The following BYSL variants were observed in gnomAD, a reference collection of about 807,000 sequenced individuals.
BYSL encodes the protein bystin like, also known as bystin.
In BYSL, 21 loss-of-function variants were observed where a neutral mutation model predicts 45.4. The ratio of observed to expected loss-of-function variants is 0.46; its 90% confidence interval spans 0.33 to 0.67. The LOEUF (loss-of-function observed/expected upper bound fraction) is 0.67, where lower values mean the gene tolerates loss of function less well. Among genes scored for constraint, BYSL ranks in the 30% least tolerant of loss-of-function variants. The probability of loss-of-function intolerance (pLI) is 0.02; values close to 1 mark genes in which losing one functional copy is unlikely to be tolerated. For missense variants in BYSL, 522 were observed against 578.5 expected, an observed-to-expected ratio of 0.90 and a Z score of 1.00; for synonymous variants, 215 against 231.3, an observed-to-expected ratio of 0.93 and a Z score of 0.64.
At chr6:41,919,561 A>G (rs1347319129), upstream of BYSL, among the ~76,000 whole-genome samples, 16 of 152,218 alleles carry the variant, frequency 1.1e-4, no homozygotes, top group Admixed American at 1.0e-3. Flanking sequence ...CAAGTGACAG[A>G]AGTCCTAGGA....
chr6:41,914,308 C>T, the BYSL span, among the ~76,000 whole-genome samples: 1 of 152,214 alleles, frequency 6.6e-6, no homozygotes. Context: ...ACACTGTGGG[C>T]TTCCTTTCTC....
At chr6:41,918,358 G>A (rs189737397), upstream of BYSL, among the ~76,000 whole-genome samples, 116 of 152,016 alleles carry the variant, frequency 7.6e-4, no homozygotes, top group African/African-American at 2.7e-3. Flanking sequence ...ACAAAACTTA[G>A]CCAGGCATGG....
chr6:41,930,341 T>C, intron 3 of BYSL, 71 bp downstream of exon 3: 2 of 1,556,996 alleles, frequency 1.3e-6, no homozygotes, highest in South Asian at 2.4e-5. Context: ...CAGGCTTTTT[T>C]GCCTTTTGCC....
At chr6:41,929,439 A>G (rs1775606474) in intron 2 of BYSL, among the ~76,000 whole-genome samples, 1 of 152,224 alleles carries the variant, frequency 6.6e-6, no homozygotes, top group Non-Finnish European at 1.5e-5. Context: ...TAGAGGCTGC[A>G]GTGAGCCATG....
the BYSL span, chr6:41,909,646 T>C: frequency 5.7e-6 from 8 of 1,412,736 alleles, no homozygotes; most frequent in African/African-American, 1.4e-5. Context: ...CAGTTCTTGG[T>C]TGGGGGTGAG....
chr6:41,912,823 A>G, the BYSL span, among the ~76,000 whole-genome samples: 3 of 152,078 alleles, frequency 2.0e-5, no homozygotes, highest in Non-Finnish European at 4.4e-5. Flanking sequence ...TTAGAAATGC[A>G]AATTACAGCC....
Position 41,931,483 on chromosome 6 carries a change from A to G in BYSL, c.792A>G (p.Glu264=). 6.2e-7 allele frequency: 1 copy of G among 1,614,210 alleles called. No individual in the cohort carries two copies. Among genetic ancestry groups the G allele is most frequent in the Non-Finnish European group, 8.5e-7 (1 of 1,180,038 alleles). Residue 264 remains glutamate, a synonymous_variant, in exon 5 of 7, where the codon GAA becomes GAG. Coordinates refer to ENST00000230340, the MANE Select transcript of BYSL (RefSeq NM_004053.4). ...LLPRVRDDVA[E]YKRLNFHLYM... Reference sequence around the variant, plus strand: ...CTCGAGTACGAGATGACGTTGCTGAATACAAACGACTCAACTTCCATCTCT... The same window carrying G: ...CTCGAGTACGAGATGACGTTGCTGAGTACAAACGACTCAACTTCCATCTCT...
the BYSL span, among the ~76,000 whole-genome samples, chr6:41,912,329 A>C: frequency 7.2e-6 from 1 of 138,402 alleles, no homozygotes; most frequent in African/African-American, 2.8e-5. Flanking sequence ...GGTATGAGCC[A>C]CTGCACTCAG....
At position 41,932,484 on chromosome 6, in the gene BYSL, C is replaced by T. The variant is rs923375015; in HGVS notation, c.1092C>T (p.Phe364=). 2 of 1,614,080 alleles carry T rather than the reference C, an allele frequency of 1.2e-6. No homozygotes were observed. Among genetic ancestry groups the T allele is most frequent in the African/African-American group, 1.3e-5 (1 of 74,918 alleles). ...YRVLDALVFH[F]LGFRTEKREL... is the part of the protein sequence containing the mutation. ...TGCTGGATGCCCTAGTCTTCCACTT[C>T]CTGGGGTTCCGGACAGAGAAGCGTG... The change falls in exon 7 of 7, where the codon TTC becomes TTT. Residue 364 remains phenylalanine (F), a synonymous_variant. Coordinates refer to ENST00000230340, the MANE Select transcript of BYSL (RefSeq NM_004053.4). The surrounding 1 kb of genome is among the most constrained non-coding windows in gnomAD (Gnocchi z 4.7).
At position 41,921,935 on chromosome 6, in the gene BYSL, G is replaced by A. The variant is rs41273802; in HGVS notation, c.268+105G>A. 10 of 1,429,056 alleles carry A rather than the reference G, an allele frequency of 7.0e-6. No individual in the cohort carries two copies. The East Asian group carries it at 7.5e-5, about 11-fold the overall frequency. The allele number at this position is 1,429,056 out of a possible 1,614,324, so 88.5% of individuals were successfully genotyped here. The stretch of plus-strand genomic sequence containing the variant: ...GGAATTGCTTCGAGTCAACAAAGGG[G>A]TCCGTATTACACTTGCAAAGGAGAC... On this transcript the variant is annotated intron_variant, in intron 1 of 6. Transcript: ENST00000230340.
At position 41,931,447 on chromosome 6, in the gene BYSL, T is replaced by C. The variant is rs1775638346; in HGVS notation, c.756T>C (p.Leu252=). 6.2e-7 allele frequency: 1 copy of C among 1,614,118 alleles called. No homozygotes were observed. The highest frequency in any genetic ancestry group is 1.3e-5 in the African/African-American group (1 of 75,050). ...KERMAQRFYN[L]VLLPRVRDDV... The stretch of plus-strand genomic sequence containing the variant: ...GCATGGCCCAGCGCTTCTACAACCT[T>C]GTCCTGCTCCCTCGAGTACGAGATG... Residue 252 remains leucine, a synonymous_variant, in exon 5 of 7, where the codon CTT becomes CTC. Coordinates refer to ENST00000230340, the MANE Select transcript of BYSL (RefSeq NM_004053.4).
Position 41,921,560 on chromosome 6 carries a change from A to T in BYSL, c.-3A>T. 6.4e-7 allele frequency: 1 copy of T among 1,559,154 alleles called. No homozygotes were observed. Among genetic ancestry groups the T allele is most frequent in the Non-Finnish European group, 8.7e-7 (1 of 1,151,184 alleles). ...ATCCTTCCCGGCAACTTTTTCGAGA[A>T]AAATGCCCAAATTCAAGGCGGCCCG... On this transcript the variant is annotated 5_prime_UTR_variant, in exon 1 of 7. Coordinates refer to ENST00000230340, the MANE Select transcript of BYSL (RefSeq NM_004053.4).
intron 4 of BYSL, 137 bp downstream of exon 4, chr6:41,930,905 AT>A: frequency 8.0e-7 from 1 of 1,247,558 alleles, no homozygotes; most frequent in Non-Finnish European, 1.1e-6. Flanking sequence ...TTATAGCATC[AT>A]TTTTCTAGCT....
chr6:41,929,856 T>TG (rs1775612464), intron 2 of BYSL, among the ~76,000 whole-genome samples: 1 of 152,240 alleles, frequency 6.6e-6, no homozygotes, highest in Non-Finnish European at 1.5e-5. Context: ...GATTTGAACC[T>TG]GGGCAGACTG....
At chr6:41,931,673 G>C in intron 5 of BYSL, 55 bp from the exon 6 acceptor site, 1 of 1,606,232 alleles carries the variant, frequency 6.2e-7, no homozygotes, top group Non-Finnish European at 8.5e-7. Context: ...GCTTCCTGCT[G>C]TAACTCCTTT....
At position 41,932,339 on chromosome 6, in the gene BYSL, C is replaced by A. The variant is rs772741617; in HGVS notation, c.969-22C>A. The A allele has an allele frequency of 6.3e-7, 1 of 1,596,072 alleles. No homozygotes were observed. Among genetic ancestry groups the A allele is most frequent in the Non-Finnish European group, 8.5e-7 (1 of 1,172,742 alleles). On this transcript the variant is annotated intron_variant, in intron 6 of 6. Transcript: ENST00000230340. This position sits in a 1 kb window ranked among gnomAD's most constrained non-coding sequence, Gnocchi z 4.7. ...TCCAATGTTTTCCCTGCTTACTCTA[C>A]CCCACCTCCCTTTCCCACTAGTGCG...
intron 1 of BYSL, among the ~76,000 whole-genome samples, chr6:41,925,622 C>CT (rs1488776890): frequency 2.0e-5 from 3 of 152,092 alleles, no homozygotes; most frequent in East Asian, 3.9e-4. Context: ...CTTGGCCTCT[C>CT]TAAGTGCTGG....
rs983581896 is a variant in BYSL at position 41,932,773 on chromosome 6, A to G, written c.*67A>G. The G allele has an allele frequency of 7.4e-6, 11 of 1,485,584 alleles. No individual in the cohort carries two copies. In the African/African-American group the frequency reaches 1.4e-4, roughly 19 times the overall value. The allele number at this position is 1,485,584 out of a possible 1,614,324, so 92.0% of individuals were successfully genotyped here. On this transcript the variant is annotated 3_prime_UTR_variant, in exon 7 of 7. Transcript: ENST00000230340. The surrounding 1 kb of genome is among the most constrained non-coding windows in gnomAD (Gnocchi z 4.7). ...CACCAAGACCCCCGTTGGTGACTGA[A>G]GATGACACTGAGCTTTAATGGCTGA...
intron 2 of BYSL, among the ~76,000 whole-genome samples, chr6:41,929,676 T>C (rs1775610388): frequency 6.6e-6 from 1 of 152,244 alleles, no homozygotes; most frequent in Non-Finnish European, 1.5e-5. Context: ...TAGATAACGC[T>C]TACTGTGTAC....
Sources: allele counts gnomAD v4.1 joint callset (sites outside exome capture counted in the v4.1 genomes callset), GRCh38; gene constraint gnomAD v4.1.1; non-coding constraint Gnocchi (gnomAD v3.1); transcripts MANE v1.5; gene names NCBI Gene and HGNC (gene_info 2026-07-23, HGNC 2026-07-21).